The following DSCAML1 variants were observed in gnomAD, a reference collection of about 807,000 sequenced individuals.
DSCAML1 encodes the protein DS cell adhesion molecule like 1, also known as cell adhesion molecule DSCAML1.
In DSCAML1, 38 loss-of-function variants were observed where a neutral mutation model predicts 200.5. The ratio of observed to expected loss-of-function variants is 0.19; its 90% CI spans 0.15 to 0.25. The LOEUF is 0.25. DSCAML1 is among the 10% of genes least tolerant of loss of function. DSCAML1 has a pLI of 1.00. For synonymous variants in DSCAML1, 1,215 were observed against 1,165.0 expected (o/e 1.04, Z -0.87); for missense variants, 2,223 against 2,858.8 (o/e 0.78, Z 5.07).
At position 117,427,963 on chromosome 11, in the gene DSCAML1, A is replaced by C; in HGVS notation, c.*365T>G. The C allele has an allele frequency of 6.2e-6, 1 of 161,216 alleles. No homozygotes were observed. Among genetic ancestry groups the C allele is most frequent in the Non-Finnish European group, 1.4e-5 (1 of 73,916 alleles). The allele number at this position is 161,216 out of a possible 1,614,324, so 10.0% of individuals were successfully genotyped here. On this transcript the variant is annotated 3_prime_UTR_variant, in exon 33 of 33. Coordinates refer to ENST00000651296, the MANE Select transcript of DSCAML1 (RefSeq NM_020693.4). ...CTGGGGGGAAGGTGAGGAGGAGGGA[A>C]AAAAATTGCTGAGTCTTTGTGCCTC...
chr11:117,653,118 G>T (rs1162224269), intron 3 of DSCAML1, among the ~76,000 whole-genome samples: 1 of 152,152 alleles, frequency 6.6e-6, no homozygotes, highest in Non-Finnish European at 1.5e-5. Context: ...CACATTCCCT[G>T]GCTTTGCCGA....
chr11:117,744,462 AGTCT>A (rs1173447544), intron 3 of DSCAML1, among the ~76,000 whole-genome samples: 1 of 152,262 alleles, frequency 6.6e-6, no homozygotes, highest in Non-Finnish European at 1.5e-5. Flanking sequence ...GATACGCATC[AGTCT>A]CTCTCCCTTT....
chr11:117,587,778 G>T (rs186653922), intron 3 of DSCAML1, among the ~76,000 whole-genome samples: 7 of 152,260 alleles, frequency 4.6e-5, no homozygotes, highest in African/African-American at 7.2e-5. Flanking sequence ...TGTTCTCCAT[G>T]CCTCCTCTTT....
At chr11:117,522,740 C>G (rs972126275) in intron 5 of DSCAML1, among the ~76,000 whole-genome samples, 7 of 152,344 alleles carry the variant, frequency 4.6e-5, no homozygotes, top group South Asian at 2.1e-4. Context: ...TGCTAGCCAC[C>G]GTCTCCTCAC....
intron 3 of DSCAML1, among the ~76,000 whole-genome samples, chr11:117,693,509 A>G (rs1046735019): frequency 2.0e-5 from 3 of 152,178 alleles, no homozygotes; most frequent in African/African-American, 7.2e-5. Flanking sequence ...CCCATTTGAC[A>G]TCTCCCTCCA....
intron 3 of DSCAML1, among the ~76,000 whole-genome samples, chr11:117,759,618 C>A (rs1360659528): frequency 1.3e-5 from 2 of 152,194 alleles, no homozygotes; most frequent in African/African-American, 2.4e-5. Flanking sequence ...GGCCACCCAT[C>A]CCTGCCCCGC....
intron 1 of DSCAML1, among the ~76,000 whole-genome samples, chr11:117,810,799 G>A (rs566599420): frequency 2.6e-5 from 4 of 152,094 alleles, no homozygotes; most frequent in Non-Finnish European, 4.4e-5. Flanking sequence ...GGTGCCTGAC[G>A]TCCACGCATT....
At chr11:117,477,390 G>A (rs560875215) in intron 14 of DSCAML1, among the ~76,000 whole-genome samples, 36 of 131,814 alleles carry the variant, frequency 2.7e-4, no homozygotes, top group South Asian at 9.8e-4. Context: ...GTGTGTGTGT[G>A]TATGTGTGTG....
chr11:117,785,685 C>T (rs1299689693), intron 1 of DSCAML1, among the ~76,000 whole-genome samples: 3 of 152,156 alleles, frequency 2.0e-5, no homozygotes, highest in Admixed American at 6.6e-5. Context: ...ACTTCTGTGG[C>T]ATTTTGGCTG....
Position 117,490,518 on chromosome 11 carries a change from C to A in DSCAML1, c.2360-8356G>T, listed in dbSNP as rs552156727. Among the ~76,000 whole-genome samples, 6 of 152,188 alleles carry A rather than the reference C, an allele frequency of 3.9e-5. No homozygotes were observed. The East Asian group carries it at 1.2e-3, about 29-fold the overall frequency. ...CCCCTACTTAGCACCCCCAGATCCC[C>A]GCTTCCACTGGGGTCCAACTTAATA... On this transcript the variant is annotated intron_variant, in intron 11 of 32. Transcript: ENST00000651296.
chr11:117,615,585 C>G (rs928412948), intron 3 of DSCAML1, among the ~76,000 whole-genome samples: 2 of 152,090 alleles, frequency 1.3e-5, no homozygotes, highest in Non-Finnish European at 1.5e-5. Context: ...TCTCTCACCC[C>G]CCAGGTGTTG....
chr11:117,520,589 GC>G (rs2049865661), intron 6 of DSCAML1, among the ~76,000 whole-genome samples: 1 of 151,472 alleles, frequency 6.6e-6, no homozygotes, highest in Non-Finnish European at 1.5e-5. Context: ...AGTGACCAAA[GC>G]TGCAGTTTCC....
chr11:117,540,095 A>G (rs1296822953), intron 3 of DSCAML1, among the ~76,000 whole-genome samples: 2 of 152,230 alleles, frequency 1.3e-5, no homozygotes, highest in African/African-American at 4.8e-5. Context: ...ATAGAGACAG[A>G]AAGTAGAATG....
At chr11:117,471,792 T>G in intron 15 of DSCAML1, 77 bp downstream of exon 15, 1 of 1,505,008 alleles carries the variant, frequency 6.6e-7, no homozygotes, top group South Asian at 1.3e-5. Flanking sequence ...TCATTGCCAG[T>G]GAACAGGATC....
intron 3 of DSCAML1, among the ~76,000 whole-genome samples, chr11:117,577,174 G>T (rs1383687971): frequency 6.6e-6 from 1 of 152,042 alleles, no homozygotes; most frequent in Non-Finnish European, 1.5e-5. Flanking sequence ...CTGGCCCAGG[G>T]GCTGGACAAG....
At chr11:117,650,021 G>C (rs531301774) in intron 3 of DSCAML1, among the ~76,000 whole-genome samples, 1 of 152,194 alleles carries the variant, frequency 6.6e-6, no homozygotes, top group Non-Finnish European at 1.5e-5. Flanking sequence ...ACTGAGCAGC[G>C]GTTGGCACAG....
At position 117,450,617 on chromosome 11, in the gene DSCAML1, G is replaced by C. The variant is rs759229854; in HGVS notation, c.3640C>G (p.Pro1214Ala). 7.4e-6 allele frequency: 12 copies of C among 1,614,098 alleles called. No homozygotes were observed. The highest frequency in any genetic ancestry group is 3.3e-5 in the Admixed American group (2 of 60,004). ...CGGATCACCCCGTTGGGCTTGGTAG[G>C]GGGGAGCCAAGACACAACCACACTG... is the stretch of plus-strand genomic sequence containing the variant. ...ASSVVVSWLP[P>A]TKPNGVIRKY... Residue 1214 changes from proline (P) to alanine (A), a missense_variant, in exon 20 of 33, where the codon CCT becomes GCT. This residue lies in a region of DSCAML1 where 438 missense variants were observed against 629.7 expected (regional missense o/e 0.70). Transcript: ENST00000651296.
chr11:117,712,163 A>G (rs931829863), intron 3 of DSCAML1, among the ~76,000 whole-genome samples: 2 of 152,198 alleles, frequency 1.3e-5, no homozygotes, highest in African/African-American at 4.8e-5. Context: ...GCATGCCTGT[A>G]GTAAAGAAGA....
chr11:117,706,921 C>T (rs149417171), intron 3 of DSCAML1, among the ~76,000 whole-genome samples: 168 of 152,282 alleles, frequency 1.1e-3, no homozygotes, highest in Admixed American at 2.9e-3. Context: ...TGAAGGGAGG[C>T]GACCACACAC....
Sources: allele counts gnomAD v4.1 joint callset (sites outside exome capture counted in the v4.1 genomes callset), GRCh38; gene constraint gnomAD v4.1.1; regional missense constraint gnomAD v4.1.1; transcripts MANE v1.5; gene names NCBI Gene and HGNC (gene_info 2026-07-23, HGNC 2026-07-21).